PIEZO2: variants seen among roughly 807,000 people sequenced by gnomAD.
The protein encoded by PIEZO2 is piezo type mechanosensitive ion channel component 2, also known as piezo-type mechanosensitive ion channel component 2.
In PIEZO2, 172 loss-of-function variants were observed where a neutral mutation model predicts 337.3. The observed-to-expected ratio is 0.51, with a 90% CI of 0.45 to 0.58. The LOEUF (loss-of-function observed/expected upper bound fraction) is 0.58. PIEZO2 is among the 20% of genes least tolerant of loss of function. The pLI is 0.00. For synonymous variants in PIEZO2, 1,251 were observed against 1,228.5 expected (o/e 1.02, Z -0.38); for missense variants, 3,028 against 3,391.3 (o/e 0.89, Z 2.66).
At chr18:10,735,430 A>G (rs1242497119) in intron 34 of PIEZO2, among the ~76,000 whole-genome samples, 100 bp from the exon 35 acceptor site, 1 of 152,146 alleles carries the variant, frequency 6.6e-6, no homozygotes, top group African/African-American at 2.4e-5. Flanking sequence ...AGTTACACCA[A>G]CTAGGTTAAA....
At chr18:11,023,402 A>C (rs184800291) in intron 2 of PIEZO2, among the ~76,000 whole-genome samples, 1 of 152,308 alleles carries the variant, frequency 6.6e-6, no homozygotes, top group Admixed American at 6.5e-5. Flanking sequence ...AGTCCCCACC[A>C]GAGTAGCTAG....
chr18:11,121,606 C>G (rs1272838312), intron 1 of PIEZO2, among the ~76,000 whole-genome samples: 2 of 152,204 alleles, frequency 1.3e-5, no homozygotes, highest in Non-Finnish European at 2.9e-5. Context: ...TTCATTCTCA[C>G]ATATCTGAGG....
intron 4 of PIEZO2, among the ~76,000 whole-genome samples, chr18:10,902,874 G>A (rs141224165): frequency 4.9e-4 from 75 of 152,290 alleles, no homozygotes; most frequent in East Asian, 3.7e-3. Flanking sequence ...TGCATTGCTC[G>A]TGGGTCATGG....
intron 20 of PIEZO2, among the ~76,000 whole-genome samples, chr18:10,771,302 C>T (rs1008704585): frequency 6.6e-6 from 1 of 152,146 alleles, no homozygotes. Flanking sequence ...TGACTCAGCC[C>T]GTGGTTTTCT....
chr18:11,084,197 AAAGAC>A (rs1207750216), intron 1 of PIEZO2, among the ~76,000 whole-genome samples: 1 of 150,960 alleles, frequency 6.6e-6, no homozygotes, highest in African/African-American at 2.4e-5. Context: ...AAAAAAAAAA[AAAGAC>A]AGAGAGAGAG....
At position 11,048,682 on chromosome 18, in the gene PIEZO2, G is replaced by A. The variant is rs1319408767; in HGVS notation, c.160+17445C>T. 1.3e-5 allele frequency among the ~76,000 whole-genome samples: 2 copies of A among 152,124 alleles called. No individual in the cohort carries two copies. Among genetic ancestry groups the A allele is most frequent in the African/African-American group, 4.8e-5 (2 of 41,430 alleles). ...CAATTTTTAAAAATGATAGTTTCAG[G>A]AATTATTCAGTAGCCTCTGTGTGTT... On this transcript the variant is annotated intron_variant, in intron 2 of 55. Transcript: ENST00000674853. The surrounding 1 kb of genome is among the most constrained non-coding windows in gnomAD (Gnocchi z 4.5).
intron 7 of PIEZO2, among the ~76,000 whole-genome samples, chr18:10,820,130 T>A (rs560554762): frequency 7.9e-5 from 12 of 152,298 alleles, no homozygotes; most frequent in African/African-American, 2.4e-4. Context: ...TCAAATTTTT[T>A]AATTATATTG....
Position 11,083,295 on chromosome 18 carries a change from T to C in PIEZO2, c.65-17073A>G, listed in dbSNP as rs2038812562. On this transcript the variant is annotated intron_variant, in intron 1 of 55. Coordinates refer to ENST00000674853, the MANE Select transcript of PIEZO2 (RefSeq NM_001378183.1). This position sits in a 1 kb window ranked among gnomAD's most constrained non-coding sequence, Gnocchi z 4.4. ...ACTCTAAAAAGCTACTTTGTGGTTCTTTATGAAAAGAGGGAAATATTTGTA... is the reference window on the plus strand; with the variant it reads ...ACTCTAAAAAGCTACTTTGTGGTTCCTTATGAAAAGAGGGAAATATTTGTA... Among the ~76,000 whole-genome samples, 1 of 152,272 alleles carries C rather than the reference T, an allele frequency of 6.6e-6. No homozygotes were observed. The highest frequency in any genetic ancestry group is 1.5e-5 in the Non-Finnish European group (1 of 68,046).
intron 13 of PIEZO2, among the ~76,000 whole-genome samples, chr18:10,793,213 T>G (rs1461227304): frequency 6.6e-6 from 1 of 152,004 alleles, no homozygotes; most frequent in Non-Finnish European, 1.5e-5. Context: ...GAGCCGAGAT[T>G]GCGCCACTGC....
At chr18:10,694,099 G>A (rs1567955546) in intron 47 of PIEZO2, among the ~76,000 whole-genome samples, 1 of 151,938 alleles carries the variant, frequency 6.6e-6, no homozygotes, top group African/African-American at 2.4e-5. Context: ...GTAGACTCAG[G>A]AAAAAGTATC....
chr18:10,963,376 T>A (rs886628585), intron 3 of PIEZO2, among the ~76,000 whole-genome samples: 2 of 152,270 alleles, frequency 1.3e-5, no homozygotes, highest in East Asian at 3.9e-4. Context: ...CTCTCTGGAC[T>A]AAAAGCAATG....
At chr18:11,040,714 C>G (rs1400836376) in intron 2 of PIEZO2, among the ~76,000 whole-genome samples, 1 of 152,140 alleles carries the variant, frequency 6.6e-6, no homozygotes, top group Admixed American at 6.5e-5. Context: ...CCATAATTAT[C>G]CTCAATGTGG....
At chr18:11,091,082 G>A (rs1440266775) in intron 1 of PIEZO2, among the ~76,000 whole-genome samples, 1 of 152,070 alleles carries the variant, frequency 6.6e-6, no homozygotes, top group East Asian at 1.9e-4. Flanking sequence ...ACCTCTGTTT[G>A]AAATTTAATA....
intron 7 of PIEZO2, among the ~76,000 whole-genome samples, chr18:10,818,158 A>G (rs959820227): frequency 6.6e-6 from 1 of 152,200 alleles, no homozygotes; most frequent in Non-Finnish European, 1.5e-5. Flanking sequence ...TTAAAGAAGT[A>G]GTCATACTTC....
intron 28 of PIEZO2, among the ~76,000 whole-genome samples, chr18:10,751,567 C>T (rs1192844656): frequency 6.7e-6 from 1 of 148,712 alleles, no homozygotes; most frequent in Non-Finnish European, 1.5e-5. Context: ...GCTACATAAA[C>T]TTGGCTTTCC....
rs1486863656 is a variant in PIEZO2 at position 10,830,809 on chromosome 18, TA to T, written c.918-23536del. Among the ~76,000 whole-genome samples the T allele has an allele frequency of 6.6e-6, 1 of 152,110 alleles. No individual in the cohort carries two copies. Among genetic ancestry groups the T allele is most frequent in the African/African-American group, 2.4e-5 (1 of 41,432 alleles). The stretch of plus-strand genomic sequence containing the variant: ...ACAAGGAATTAATAATCAGGATATA[TA>T]AGGAGTTCAAACAATTCAATAGGAA... On this transcript the variant is annotated intron_variant, in intron 7 of 55. Coordinates refer to ENST00000674853, the MANE Select transcript of PIEZO2 (RefSeq NM_001378183.1). The surrounding 1 kb of genome is among the most constrained non-coding windows in gnomAD (Gnocchi z 4.7).
At chr18:10,831,152 C>T (rs551020136) in intron 7 of PIEZO2, among the ~76,000 whole-genome samples, 171 of 152,186 alleles carry the variant, frequency 1.1e-3, no homozygotes, top group African/African-American at 3.8e-3. Flanking sequence ...AGCTACCATA[C>T]GATCCAGCAA....
chr18:11,042,995 T>G (rs1399345802), intron 2 of PIEZO2, among the ~76,000 whole-genome samples: 1 of 152,226 alleles, frequency 6.6e-6, no homozygotes, highest in East Asian at 1.9e-4. Context: ...AAAAAAATTG[T>G]TTGGCCATAG....
Position 10,881,790 on chromosome 18 carries a change from C to T in PIEZO2, c.330-10375G>A, listed in dbSNP as rs549667548. 3.0e-4 allele frequency among the ~76,000 whole-genome samples: 46 copies of T among 152,302 alleles called. 1 individual carries two copies. Among genetic ancestry groups the T allele is most frequent in the African/African-American group, 1.0e-3 (42 of 41,566 alleles). The stretch of plus-strand genomic sequence containing the variant: ...AAAACTCACTCCTTTTGTCCTGTGA[C>T]TCTCTTAGATAAGTCATTAAAAATA... On this transcript the variant is annotated intron_variant, in intron 4 of 55. Transcript: ENST00000674853.
Sources: gnomAD v4.1 joint callset for allele counts (sites outside exome capture counted in the v4.1 genomes callset) on GRCh38, gnomAD v4.1.1 for gene constraint, Gnocchi (gnomAD v3.1) non-coding constraint, MANE v1.5 for transcripts, NCBI Gene and HGNC (gene_info 2026-07-23, HGNC 2026-07-21) for gene names.